OSBPL3: variants seen among roughly 807,000 people sequenced by gnomAD.
OSBPL3 encodes oxysterol-binding protein-related protein 3.
In OSBPL3, 65 loss-of-function variants were observed where a neutral mutation model predicts 120.1. The observed-to-expected ratio is 0.54, with a 90% confidence interval of 0.44 to 0.67. The LOEUF is 0.67. Ranked by LOEUF, OSBPL3 falls within the 30% of genes least tolerant of loss-of-function variation. OSBPL3 has a pLI of 0.00. For missense variants in OSBPL3, 1,004 were observed against 1,082.1 expected (o/e 0.93, Z 1.01); for synonymous variants, 416 against 402.6 (o/e 1.03, Z -0.40).
intron 1 of OSBPL3, among the ~76,000 whole-genome samples, chr7:24,903,654 G>C (rs1807398855): frequency 6.6e-6 from 1 of 152,130 alleles, no homozygotes; most frequent in Admixed American, 6.5e-5. Context: ...CTTAAAAAAA[G>C]AGAAAGTTGT....
chr7:24,969,608 A>G (rs943826528), intron 1 of OSBPL3, among the ~76,000 whole-genome samples: 1 of 152,066 alleles, frequency 6.6e-6, no homozygotes, highest in African/African-American at 2.4e-5. Context: ...TCCATGTGGA[A>G]TTTATTTTAT....
rs1793538795 is a variant in OSBPL3, at chr7:24,809,834, A to G, written c.2290T>C (p.Ser764Pro). 1.2e-6 allele frequency: 2 copies of G among 1,614,162 alleles called. No homozygotes were observed. Among genetic ancestry groups the G allele is most frequent in the Non-Finnish European group, 1.7e-6 (2 of 1,180,012 alleles). ...WHESIYCGGG[S>P]SSACVWRANP... is the part of the protein sequence containing the mutation. ...GCTCTCCATACACAGGCAGAAGAGG[A>G]GCCGCCGCCACAGTAGATGCTTTCA... The change falls in exon 20 of 23, where the codon TCC becomes CCC. Residue 764 changes from serine to proline, a missense_variant. Physicochemically the swap from Ser to Pro is moderately conservative, Grantham distance 74. Around this residue, in one of 4 missense-constraint regions of OSBPL3, gnomAD observed 473 missense variants for 568.0 expected, o/e 0.83. Transcript: ENST00000313367.
chr7:24,897,022 A>C (rs1198474597), intron 1 of OSBPL3, among the ~76,000 whole-genome samples: 1 of 144,074 alleles, frequency 6.9e-6, no homozygotes, highest in Admixed American at 6.9e-5. Context: ...CAGTGAACTG[A>C]GATTGCACCA....
intron 2 of OSBPL3, among the ~76,000 whole-genome samples, chr7:24,889,422 T>C (rs1177914092): frequency 6.6e-6 from 1 of 152,182 alleles, no homozygotes; most frequent in East Asian, 1.9e-4. Flanking sequence ...AAATTGGCTA[T>C]AAAAGTAGAT....
At position 24,798,458 on chromosome 7, in the gene OSBPL3, T is replaced by C. The variant is rs1014908889; in HGVS notation, c.*1725A>G. On this transcript the variant is annotated 3_prime_UTR_variant, in exon 23 of 23. Coordinates refer to ENST00000313367, the MANE Select transcript of OSBPL3 (RefSeq NM_015550.4). This position sits in a 1 kb window ranked among gnomAD's most constrained non-coding sequence, Gnocchi z 4.6. The stretch of plus-strand genomic sequence containing the variant: ...TGCTTGAGATGGAAAGAACAAAGCA[T>C]ACACCAAAGAATCTGACTGTGTCAT... The C allele has an allele frequency of 6.6e-6, 1 of 152,196 alleles. No individual in the cohort carries two copies. The highest frequency in any genetic ancestry group is 1.5e-5 in the Non-Finnish European group (1 of 68,022). The allele number at this position is 152,196 out of a possible 1,614,324, so 9.4% of individuals were successfully genotyped here.
chr7:24,959,614 A>G lies in OSBPL3; in HGVS notation c.-150+20272T>C, dbSNP rs1815487226. Among the ~76,000 whole-genome samples the G allele has an allele frequency of 6.6e-6, 1 of 152,230 alleles. No individual in the cohort carries two copies. The highest frequency in any genetic ancestry group is 2.4e-5 in the African/African-American group (1 of 41,462). ...GTTCTGGACGCTGGTTACACAGGTTATTTATCTTCTGAAAACTCATTAGAT... is the reference window on the plus strand; with the variant it reads ...GTTCTGGACGCTGGTTACACAGGTTGTTTATCTTCTGAAAACTCATTAGAT... On this transcript the variant is annotated intron_variant, in intron 1 of 22. Coordinates refer to ENST00000313367, the MANE Select transcript of OSBPL3 (RefSeq NM_015550.4). The surrounding 1 kb of genome is among the most constrained non-coding windows in gnomAD (Gnocchi z 4.3).
chr7:24,911,182 A>C (rs1808770577), intron 1 of OSBPL3, among the ~76,000 whole-genome samples: 1 of 152,238 alleles, frequency 6.6e-6, no homozygotes, highest in South Asian at 2.1e-4. Context: ...ATTGAAATGC[A>C]AAGCAGGATG....
rs933672404 is a variant in OSBPL3 at position 24,813,093 on chromosome 7, G to A, written c.2172+1966C>T. Reference sequence around the variant, plus strand: ...AGGGTCTTGTCAGATTGCCCAGGCTGGTCTCAAATTTCAGGCCTCAAGTGA... The same window carrying A: ...AGGGTCTTGTCAGATTGCCCAGGCTAGTCTCAAATTTCAGGCCTCAAGTGA... On this transcript the variant is annotated intron_variant, in intron 19 of 22. Transcript: ENST00000313367. This position sits in a 1 kb window ranked among gnomAD's most constrained non-coding sequence, Gnocchi z 4.5. Among the ~76,000 whole-genome samples, 10 of 152,222 alleles carry A rather than the reference G, an allele frequency of 6.6e-5. No individual in the cohort carries two copies. In the East Asian group the frequency reaches 1.4e-3, roughly 21 times the overall value.
chr7:24,908,991 C>A (rs538072181), intron 1 of OSBPL3, among the ~76,000 whole-genome samples: 1 of 152,232 alleles, frequency 6.6e-6, no homozygotes, highest in African/African-American at 2.4e-5. Flanking sequence ...TTTTCAAGCA[C>A]ATGGTCTACC....
intron 1 of OSBPL3, among the ~76,000 whole-genome samples, chr7:24,924,617 A>C (rs1810813695): frequency 6.6e-6 from 1 of 152,176 alleles, no homozygotes; most frequent in Non-Finnish European, 1.5e-5. Flanking sequence ...TACAAGGTTG[A>C]GTTTAATGGC....
chr7:24,960,956 T>C (rs536057641), intron 1 of OSBPL3, among the ~76,000 whole-genome samples: 11 of 152,308 alleles, frequency 7.2e-5, no homozygotes, highest in Admixed American at 2.0e-4. Flanking sequence ...GCAGTGAAAT[T>C]TGCAAAAGGC....
Position 24,834,239 on chromosome 7 carries a change from C to A in OSBPL3, c.1746+247G>T, listed in dbSNP as rs1310103281. ...TGGAGAAAGAGGAAGCACAAACCCA[C>A]AGAACAGAACTACCCCAGGCACCAA... On this transcript the variant is annotated intron_variant, in intron 15 of 22. Coordinates refer to ENST00000313367, the MANE Select transcript of OSBPL3 (RefSeq NM_015550.4). The surrounding 1 kb of genome is among the most constrained non-coding windows in gnomAD (Gnocchi z 5.2). 1 of 1,241,020 alleles carries A rather than the reference C, an allele frequency of 8.1e-7. No homozygotes were observed. The highest frequency in any genetic ancestry group is 3.8e-5 in the East Asian group (1 of 26,220). 76.9% of individuals were successfully genotyped at this position (1,241,020 alleles called of 1,614,324 possible).
At chr7:24,915,765 G>C (rs139) in intron 1 of OSBPL3, among the ~76,000 whole-genome samples, 1 of 151,882 alleles carries the variant, frequency 6.6e-6, no homozygotes, top group East Asian at 1.9e-4. Context: ...GTAGAGATGG[G>C]GTTTCACCAT....
At chr7:24,924,437 C>T (rs117) in intron 1 of OSBPL3, among the ~76,000 whole-genome samples, 39,775 of 152,112 alleles carry the variant, frequency 0.26, 5,422 homozygotes, top group South Asian at 0.37. Context: ...TAGTAAGAGT[C>T]TAACTCCGAT....
chr7:24,861,373 T>C (rs1302258883), intron 10 of OSBPL3, among the ~76,000 whole-genome samples: 9 of 152,218 alleles, frequency 5.9e-5, no homozygotes, highest in Non-Finnish European at 1.0e-4. Context: ...CAACATCACA[T>C]GAATTGCTCA....
At chr7:24,902,007 C>T (rs1430992349) in intron 1 of OSBPL3, among the ~76,000 whole-genome samples, 1 of 152,164 alleles carries the variant, frequency 6.6e-6, no homozygotes, top group African/African-American at 2.4e-5. Flanking sequence ...ACTCAAACTG[C>T]CCGGGTTCAA....
chr7:24,832,155 C>T (rs1320551481), intron 15 of OSBPL3, among the ~76,000 whole-genome samples: 6 of 146,644 alleles, frequency 4.1e-5, no homozygotes, highest in Non-Finnish European at 7.4e-5. Context: ...TGCAATGAGC[C>T]GTGATTGCAC....
At chr7:24,962,402 G>C (rs999412909) in intron 1 of OSBPL3, among the ~76,000 whole-genome samples, 2 of 118,544 alleles carry the variant, frequency 1.7e-5, no homozygotes, top group African/African-American at 6.2e-5. Flanking sequence ...GGGAGGGGAG[G>C]GCAGAAGGGA....
rs1382983357 is a variant in OSBPL3, at chr7:24,916,226, C to G, written c.-149-23605G>C. Among the ~76,000 whole-genome samples, 3 of 152,138 alleles carry G rather than the reference C, an allele frequency of 2.0e-5. No individual in the cohort carries two copies. The highest frequency in any genetic ancestry group is 7.2e-5 in the African/African-American group (3 of 41,432). ...CAATTTCTTTCCCTTTTGTTAAATT[C>G]AAGATCAAATTGAATGTTTTACTTT... On this transcript the variant is annotated intron_variant, in intron 1 of 22. Transcript: ENST00000313367. The surrounding 1 kb of genome is among the most constrained non-coding windows in gnomAD (Gnocchi z 4.9).
Sources: allele counts gnomAD v4.1 joint callset (sites outside exome capture counted in the v4.1 genomes callset), GRCh38; gene constraint gnomAD v4.1.1; regional missense constraint gnomAD v4.1.1; non-coding constraint Gnocchi (gnomAD v3.1); transcripts MANE v1.5; gene names NCBI Gene and HGNC (gene_info 2026-07-23, HGNC 2026-07-21).